The following CYP4X1 variants were observed in gnomAD, a reference collection of about 807,000 sequenced individuals.
The protein encoded by CYP4X1 is cytochrome P450 family 4 subfamily X member 1.
CYP4X1 carries 44 observed loss-of-function variants against 57.9 expected under a neutral mutation model. The ratio of observed to expected loss-of-function variants is 0.76; its 90% CI spans 0.60 to 0.98. The LOEUF (loss-of-function observed/expected upper bound fraction) is 0.98, where lower values mean the gene tolerates loss of function less well. Ranked by LOEUF, CYP4X1 falls within the 50% of genes least tolerant of loss-of-function variation. The pLI is 0.00. For synonymous variants in CYP4X1, 227 were observed against 228.6 expected, an observed-to-expected ratio of 0.99 and a Z score of 0.06; for missense variants, 532 against 623.9, an observed-to-expected ratio of 0.85 and a Z score of 1.57.
At chr1:47,053,131 T>C (rs1644369975), downstream of CYP4X1, among the ~76,000 whole-genome samples, 1 of 151,898 alleles carries the variant, frequency 6.6e-6, no homozygotes, top group African/African-American at 2.4e-5. Flanking sequence ...CGTGTTCTCA[T>C]TGTTCAATTC....
the CYP4X1 span, among the ~76,000 whole-genome samples, chr1:46,975,327 A>AC: frequency 1.3e-5 from 2 of 151,874 alleles, no homozygotes; most frequent in Non-Finnish European, 2.9e-5. Context: ...CATGTTTAGC[A>AC]CCCCCCTGGG....
chr1:46,983,825 G>A, the CYP4X1 span, among the ~76,000 whole-genome samples: 89 of 152,266 alleles, frequency 5.8e-4, no homozygotes, highest in African/African-American at 2.0e-3. Context: ...CCACTGGTCC[G>A]AGTGCTGTGG....
chr1:46,992,240 C>T, the CYP4X1 span, among the ~76,000 whole-genome samples: 11 of 152,158 alleles, frequency 7.2e-5, no homozygotes, highest in East Asian at 1.9e-4. Context: ...CACTTGAACC[C>T]GGGAGGCAGA....
At chr1:47,048,536 C>A (rs777481072) in intron 9 of CYP4X1, 29 bp from the exon 10 acceptor site, 5 of 1,612,216 alleles carry the variant, frequency 3.1e-6, no homozygotes, top group Admixed American at 1.7e-5. Context: ...CTTTCTCCTG[C>A]AGTCTCTTTT....
chr1:46,970,341 G>A, the CYP4X1 span, among the ~76,000 whole-genome samples: 240 of 152,320 alleles, frequency 1.6e-3, 3 homozygotes, highest in African/African-American at 5.5e-3. Flanking sequence ...ACTCCATGGT[G>A]TTCTCTGAAA....
At chr1:47,051,051 C>T (rs1214453535), downstream of CYP4X1, among the ~76,000 whole-genome samples, 3 of 151,970 alleles carry the variant, frequency 2.0e-5, no homozygotes, top group African/African-American at 7.2e-5. Flanking sequence ...AAAAACAACC[C>T]CATCAAAAAG....
At chr1:47,051,084 AC>A (rs1311827374), downstream of CYP4X1, among the ~76,000 whole-genome samples, 1 of 152,236 alleles carries the variant, frequency 6.6e-6, no homozygotes, top group Non-Finnish European at 1.5e-5. Flanking sequence ...ATGAACAGAC[AC>A]TTCTCAAAAG....
intron 1 of CYP4X1, among the ~76,000 whole-genome samples, chr1:47,027,487 A>G (rs1381994532): frequency 6.6e-6 from 1 of 152,156 alleles, no homozygotes; most frequent in Non-Finnish European, 1.5e-5. Context: ...TTTATTATTT[A>G]TTTGTGTTTG....
the CYP4X1 span, among the ~76,000 whole-genome samples, chr1:46,962,420 G>A: frequency 6.6e-6 from 1 of 152,126 alleles, no homozygotes; most frequent in African/African-American, 2.4e-5. Context: ...GCCTGGCCAA[G>A]TATGAGTTTT....
the CYP4X1 span, among the ~76,000 whole-genome samples, chr1:46,968,647 A>C: frequency 6.6e-6 from 1 of 152,160 alleles, no homozygotes; most frequent in African/African-American, 2.4e-5. Context: ...TCCAGTGCCT[A>C]GGATAGCACC....
intron 9 of CYP4X1, 136 bp downstream of exon 9, chr1:47,046,736 TA>T: frequency 7.7e-7 from 1 of 1,291,160 alleles, no homozygotes; most frequent in Non-Finnish European, 1.1e-6. Context: ...TTTTATCACC[TA>T]TGAGGAGCTC....
At chr1:47,009,362 C>T in the CYP4X1 span, among the ~76,000 whole-genome samples, 18 of 152,044 alleles carry the variant, frequency 1.2e-4, no homozygotes, top group East Asian at 3.9e-4. Context: ...TTGAAACCAA[C>T]GAGACCAAAG....
intron 2 of CYP4X1, 125 bp from the exon 3 acceptor site, chr1:47,031,311 C>T (rs12041262): frequency 8.8e-7 from 1 of 1,138,262 alleles, no homozygotes; most frequent in Non-Finnish European, 1.3e-6. Flanking sequence ...AGGAAGTAAG[C>T]CCTGGGCTCT....
At chr1:46,993,338 G>A in the CYP4X1 span, among the ~76,000 whole-genome samples, 1 of 151,992 alleles carries the variant, frequency 6.6e-6, no homozygotes, top group Non-Finnish European at 1.5e-5. Flanking sequence ...ATCATTGTTG[G>A]ACATTTAGGT....
At chr1:47,016,709 T>C in the CYP4X1 span, among the ~76,000 whole-genome samples, 1 of 147,428 alleles carries the variant, frequency 6.8e-6, no homozygotes, top group Non-Finnish European at 1.5e-5. Flanking sequence ...ATAATCACAT[T>C]GGATAAATTG....
chr1:47,007,175 T>C, the CYP4X1 span, among the ~76,000 whole-genome samples: 2 of 152,134 alleles, frequency 1.3e-5, no homozygotes, highest in African/African-American at 4.8e-5. Flanking sequence ...GGAGGCACCC[T>C]CCAGTAGGGG....
the CYP4X1 span, chr1:46,967,750 A>C: frequency 7.8e-7 from 1 of 1,274,802 alleles, no homozygotes; most frequent in East Asian, 2.7e-5. Context: ...GAACTTCAGC[A>C]AAATTCATGG....
chr1:47,054,450 G>A (rs1381013407), downstream of CYP4X1, among the ~76,000 whole-genome samples: 5 of 151,568 alleles, frequency 3.3e-5, no homozygotes, highest in Non-Finnish European at 7.4e-5. Flanking sequence ...TTCCAATTCT[G>A]TGAAGAAAGT....
chr1:47,035,200 A>G (rs567564092), intron 4 of CYP4X1, among the ~76,000 whole-genome samples: 1 of 152,066 alleles, frequency 6.6e-6, no homozygotes, highest in South Asian at 2.1e-4. Flanking sequence ...TCAACCAGGG[A>G]CCTTGTGACA....
Sources: allele counts gnomAD v4.1 joint callset (sites outside exome capture counted in the v4.1 genomes callset), GRCh38; gene constraint gnomAD v4.1.1; transcripts MANE v1.5; gene names NCBI Gene and HGNC (gene_info 2026-07-23, HGNC 2026-07-21).